Variants in DMD observed in about 807,000 individuals in gnomAD.
DMD encodes mutant dystrophin.
DMD carries 63 observed loss-of-function variants against 330.1 expected under a neutral mutation model. The ratio of observed to expected loss-of-function variants is 0.19; its 90% CI spans 0.16 to 0.24. The LOEUF (loss-of-function observed/expected upper bound fraction) is 0.24, where lower values mean the gene tolerates loss of function less well. DMD is among the 10% of genes least tolerant of loss of function. DMD has a pLI of 1.00. For missense variants in DMD, 3,344 were observed against 2,684.1 expected (o/e 1.25, Z -5.43); for synonymous variants, 1,223 against 959.8 (o/e 1.27, Z -5.07).
At chrX:32,301,106 A>G (rs2097521936) in intron 42 of DMD, among the ~76,000 whole-genome samples, 1 of 109,138 alleles carries the variant, frequency 9.2e-6, no homozygotes, top group Non-Finnish European at 1.9e-5. Context: ...CGTTTTATAT[A>G]TAACTAATAC....
chrX:33,234,202 A>C (rs2148884294), intron 1 of DMD, among the ~76,000 whole-genome samples: 1 of 111,796 alleles, frequency 8.9e-6, no homozygotes, highest in South Asian at 3.7e-4. Context: ...TTTATTTTTA[A>C]TTTTTGTGAG....
At chrX:32,494,181 T>C (rs1278292591) in intron 19 of DMD, among the ~76,000 whole-genome samples, 3 of 111,723 alleles carry the variant, frequency 2.7e-5, no homozygotes, top group Non-Finnish European at 5.6e-5. Flanking sequence ...TCATTGTTGA[T>C]CATTACACAA....
intron 60 of DMD, among the ~76,000 whole-genome samples, chrX:31,422,028 C>CATAT (rs1330450541): frequency 0.13 from 743 of 5,646 alleles, 17 homozygotes; most frequent in African/African-American, 0.22. Flanking sequence ...AACACACACA[C>CATAT]ATATATATAT....
intron 60 of DMD, among the ~76,000 whole-genome samples, chrX:31,371,694 G>A (rs928261806): frequency 1.8e-5 from 2 of 111,684 alleles, no homozygotes; most frequent in South Asian, 7.7e-4. Context: ...GACACAGCAG[G>A]TATCAAGATT....
chrX:32,955,385 G>GTTT (rs761224519), intron 2 of DMD, among the ~76,000 whole-genome samples: 22 of 9,336 alleles, frequency 2.4e-3, no homozygotes, highest in African/African-American at 2.7e-3. Flanking sequence ...TTTTTAGTAG[G>GTTT]GTTTTTTTTT....
intron 55 of DMD, among the ~76,000 whole-genome samples, chrX:31,586,941 A>AT (rs1302088595): frequency 2.5e-4 from 28 of 112,209 alleles, no homozygotes; most frequent in African/African-American, 9.0e-4. Context: ...AGAAATGTTC[A>AT]TGGGTATCTA....
intron 41 of DMD, among the ~76,000 whole-genome samples, chrX:32,333,111 T>C (rs1485316477): frequency 8.9e-6 from 1 of 111,772 alleles, no homozygotes; most frequent in Non-Finnish European, 1.9e-5. Flanking sequence ...TTCATTGATG[T>C]CCAGCATTTT....
chrX:33,283,267 G>A lies in DMD; in HGVS notation c.7+55992C>T, dbSNP rs368470865. On this transcript the variant is annotated intron_variant, in intron 1 of 17. Transcript: ENST00000288447. ...ATAAAACATCAACTTGGTCAAATGC[G>A]GTGGCTCACGCCTGTAATCCCAGCA... Among the ~76,000 whole-genome samples, 12 of 111,872 alleles carry A rather than the reference G, an allele frequency of 1.1e-4. No homozygotes were observed. The East Asian group carries it at 2.3e-3, about 21-fold the overall frequency.
chrX:32,840,816 C>T (rs2080093922), intron 4 of DMD, among the ~76,000 whole-genome samples: 1 of 112,120 alleles, frequency 8.9e-6, no homozygotes, highest in African/African-American at 3.2e-5. Flanking sequence ...ATCATAGTCA[C>T]TTCCAGTTTG....
At chrX:32,852,705 T>G (rs2081236959) in intron 2 of DMD, among the ~76,000 whole-genome samples, 1 of 109,596 alleles carries the variant, frequency 9.1e-6, no homozygotes, top group Non-Finnish European at 1.9e-5. Flanking sequence ...TTACTCCTAG[T>G]TAACTAAAAA....
At chrX:32,857,843 A>C (rs2081713375) in intron 2 of DMD, among the ~76,000 whole-genome samples, 1 of 111,666 alleles carries the variant, frequency 9.0e-6, no homozygotes, top group Non-Finnish European at 1.9e-5. Context: ...TCAAAAACGC[A>C]GACAGAATCT....
At chrX:32,311,100 T>C (rs1213775437) in intron 41 of DMD, among the ~76,000 whole-genome samples, 1 of 110,517 alleles carries the variant, frequency 9.0e-6, no homozygotes, top group Non-Finnish European at 1.9e-5. Context: ...GGCAGGCAAA[T>C]TCAGAAAGAT....
chrX:32,456,967 A>AAG (rs1557366624), intron 25 of DMD, among the ~76,000 whole-genome samples: 5 of 106,666 alleles, frequency 4.7e-5, no homozygotes, highest in Admixed American at 3.1e-4. Flanking sequence ...TTAAAAAAAA[A>AAG]AAAAAAAAAA....
At chrX:31,951,445 T>C (rs1161131529) in intron 45 of DMD, among the ~76,000 whole-genome samples, 1 of 108,599 alleles carries the variant, frequency 9.2e-6, no homozygotes, top group Non-Finnish European at 1.9e-5. Context: ...TTTTCACATC[T>C]TATTCATGTC....
intron 55 of DMD, among the ~76,000 whole-genome samples, chrX:31,559,230 T>G (rs1340767604): frequency 9.0e-6 from 1 of 111,661 alleles, no homozygotes; most frequent in Non-Finnish European, 1.9e-5. Context: ...CCTTGCTGGG[T>G]TGCTGGATCT....
At chrX:33,324,059 GA>G (rs1255239476) in intron 1 of DMD, among the ~76,000 whole-genome samples, 1 of 110,507 alleles carries the variant, frequency 9.0e-6, no homozygotes, top group African/African-American at 3.3e-5. Flanking sequence ...TTCCCTGTCA[GA>G]AAAAAATGAT....
At chrX:33,077,302 T>C (rs1364011231) in intron 1 of DMD, among the ~76,000 whole-genome samples, 1 of 111,589 alleles carries the variant, frequency 9.0e-6, no homozygotes. Context: ...TCTCCCAAAG[T>C]TAGTTCAGCC....
intron 17 of DMD, among the ~76,000 whole-genome samples, chrX:32,535,388 G>A (rs2047858822): frequency 9.0e-6 from 1 of 111,579 alleles, no homozygotes; most frequent in African/African-American, 3.3e-5. Flanking sequence ...TTGGAAGGTG[G>A]GAGGAAGAGA....
chrX:31,506,936 A>G (rs1198162114), intron 56 of DMD, among the ~76,000 whole-genome samples: 1 of 112,042 alleles, frequency 8.9e-6, no homozygotes, highest in Non-Finnish European at 1.9e-5. Context: ...TCCATAATAC[A>G]TATCCGTTAA....
Sources: allele counts gnomAD v4.1 joint callset (sites outside exome capture counted in the v4.1 genomes callset), GRCh38; gene constraint gnomAD v4.1.1; transcripts MANE v1.5; gene names NCBI Gene and HGNC (gene_info 2026-07-23, HGNC 2026-07-21).